Variants in ADAM9 observed in about 807,000 individuals in gnomAD.
ADAM9 encodes the protein ADAM metallopeptidase domain 9.
ADAM9 carries 54 observed loss-of-function variants against 108.1 expected under a neutral mutation model. That is an observed-to-expected ratio of 0.50 (90% CI 0.40 to 0.63). The LOEUF (loss-of-function observed/expected upper bound fraction) is 0.63. ADAM9 is among the 20% of genes least tolerant of loss of function. The probability of loss-of-function intolerance (pLI) is 0.00; values close to 1 mark genes in which losing one functional copy is unlikely to be tolerated. For missense variants in ADAM9, 830 were observed against 997.7 expected (o/e 0.83, Z 2.26); for synonymous variants, 316 against 336.0 (o/e 0.94, Z 0.65).
At chr8:39,069,365 G>C (rs1449671698) in intron 14 of ADAM9, among the ~76,000 whole-genome samples, 1 of 152,078 alleles carries the variant, frequency 6.6e-6, no homozygotes, top group Non-Finnish European at 1.5e-5. Context: ...AGTCAATTCT[G>C]GTGTTATAGG....
chr8:39,096,363 T>C (rs1839508079), intron 20 of ADAM9, among the ~76,000 whole-genome samples: 1 of 152,160 alleles, frequency 6.6e-6, no homozygotes, highest in African/African-American at 2.4e-5. Context: ...TCTTTGCAAT[T>C]ACATAAAATA....
At chr8:39,045,844 C>G (rs536886701) in intron 12 of ADAM9, among the ~76,000 whole-genome samples, 11 of 151,470 alleles carry the variant, frequency 7.3e-5, no homozygotes, top group Admixed American at 2.6e-4. Flanking sequence ...AATGTATAAG[C>G]ATTCCCTTTT....
chr8:39,036,730 G>T (rs924425720), intron 11 of ADAM9, among the ~76,000 whole-genome samples: 1 of 152,138 alleles, frequency 6.6e-6, no homozygotes, highest in South Asian at 2.1e-4. Context: ...TTTCACTGTA[G>T]CCTCTAAAGC....
At position 39,055,584 on chromosome 8, in the gene ADAM9, C is replaced by T. The variant is rs1003280683; in HGVS notation, c.1403C>T (p.Pro468Leu). ...GDCCKDCRFL[P>L]GGTLCRGKTS... ...TGAATTCTATTTCACTAGTTCCTTC[C>T]AGGAGGTACTTTATGCCGAGGAAAA... The change falls in exon 14 of 22, where the codon CCA becomes CTA. Residue 468 changes from proline (P) to leucine (L), a missense_variant. Transcript: ENST00000487273. 4 of 1,613,288 alleles carry T rather than the reference C, an allele frequency of 2.5e-6. No individual in the cohort carries two copies. The highest frequency in any genetic ancestry group is 3.4e-6 in the Non-Finnish European group (4 of 1,179,534).
At chr8:39,038,634 T>G (rs995416072) in intron 11 of ADAM9, among the ~76,000 whole-genome samples, 2 of 152,240 alleles carry the variant, frequency 1.3e-5, no homozygotes, top group African/African-American at 4.8e-5. Flanking sequence ...TTTTGTCTGC[T>G]ATGTTCACAG....
chr8:39,000,074 G>C (rs557555103), intron 1 of ADAM9, among the ~76,000 whole-genome samples: 1 of 152,152 alleles, frequency 6.6e-6, no homozygotes, highest in South Asian at 2.1e-4. Flanking sequence ...GCCCAGGCTG[G>C]AGTGCAGTGG....
chr8:39,008,193 G>A (rs1836227346), intron 2 of ADAM9, among the ~76,000 whole-genome samples: 1 of 151,232 alleles, frequency 6.6e-6, no homozygotes, highest in Admixed American at 6.6e-5. Flanking sequence ...TTTTAAAATG[G>A]AGTCTTGCTC....
chr8:39,024,970 G>C (rs1363194976), intron 9 of ADAM9, among the ~76,000 whole-genome samples: 3 of 152,132 alleles, frequency 2.0e-5, no homozygotes, highest in Non-Finnish European at 4.4e-5. Flanking sequence ...CCTGAAGGAG[G>C]TGAGGGAATG....
Position 39,044,946 on chromosome 8 carries a change from GTA to G in ADAM9, c.1302+2831_1302+2832del, listed in dbSNP as rs1224325397. Among the ~76,000 whole-genome samples the G allele has an allele frequency of 4.0e-5, 6 of 150,210 alleles. 1 individual carries two copies. The highest frequency in any genetic ancestry group is 3.4e-3 in the Middle Eastern group (1 of 290). On this transcript the variant is annotated intron_variant, in intron 12 of 21. Transcript: ENST00000487273. ...TATATGTGTGTGCACACATACCTAT[GTA>G]TGTGTATATGTGTGTGCACACATAC...
At chr8:39,018,781 T>G in intron 6 of ADAM9, 72 bp from the exon 7 acceptor site, 1 of 1,262,098 alleles carries the variant, frequency 7.9e-7, no homozygotes, top group Non-Finnish European at 1.2e-6. Flanking sequence ...ATGAAATAAG[T>G]GATGAGAGAT....
intron 11 of ADAM9, among the ~76,000 whole-genome samples, chr8:39,037,164 C>T (rs1270436903): frequency 2.7e-5 from 4 of 145,506 alleles, no homozygotes; most frequent in Admixed American, 7.0e-5. Flanking sequence ...TCACGCCATT[C>T]TCCTGCCTCA....
At chr8:39,086,930 G>A (rs965719183) in intron 18 of ADAM9, among the ~76,000 whole-genome samples, 2 of 152,184 alleles carry the variant, frequency 1.3e-5, no homozygotes, top group Non-Finnish European at 2.9e-5. Flanking sequence ...ATAGGAGCAA[G>A]TGCTCTTCCT....
At chr8:39,081,201 G>A (rs776715195) in intron 16 of ADAM9, among the ~76,000 whole-genome samples, 6 of 151,926 alleles carry the variant, frequency 3.9e-5, no homozygotes, top group African/African-American at 9.7e-5. Flanking sequence ...CACCCACCTC[G>A]GCCTCCCAAA....
chr8:39,084,666 A>C (rs1839130937), intron 18 of ADAM9, among the ~76,000 whole-genome samples: 2 of 151,772 alleles, frequency 1.3e-5, no homozygotes, highest in Admixed American at 6.6e-5. Flanking sequence ...AAGAATGCGT[A>C]TTCTACTATT....
At chr8:39,067,208 T>C (rs1441236208) in intron 14 of ADAM9, among the ~76,000 whole-genome samples, 3 of 152,230 alleles carry the variant, frequency 2.0e-5, no homozygotes, top group Non-Finnish European at 4.4e-5. Context: ...TTTGTTCTTT[T>C]GGCTTAGGAT....
intron 12 of ADAM9, among the ~76,000 whole-genome samples, chr8:39,046,623 G>A (rs1162626339): frequency 6.6e-6 from 1 of 152,100 alleles, no homozygotes; most frequent in Middle Eastern, 3.2e-3. Flanking sequence ...TTATGTTGAA[G>A]TTATTTTCCT....
At chr8:39,084,105 G>A (rs1260570010) in intron 18 of ADAM9, among the ~76,000 whole-genome samples, 1 of 152,008 alleles carries the variant, frequency 6.6e-6, no homozygotes, top group Admixed American at 6.6e-5. Flanking sequence ...ATCTTTTCTT[G>A]TACTTATTTG....
At chr8:39,049,294 G>A (rs1489791997) in intron 12 of ADAM9, among the ~76,000 whole-genome samples, 1 of 151,762 alleles carries the variant, frequency 6.6e-6, no homozygotes, top group East Asian at 1.9e-4. Context: ...ATATCTTGTA[G>A]TAATAACAGT....
intron 11 of ADAM9, among the ~76,000 whole-genome samples, chr8:39,027,614 A>G (rs1272957614): frequency 1.3e-5 from 2 of 152,120 alleles, no homozygotes; most frequent in East Asian, 1.9e-4. Context: ...AGAAGATCCC[A>G]TGGTGGTTGG....
Sources: allele counts gnomAD v4.1 joint callset (sites outside exome capture counted in the v4.1 genomes callset), GRCh38; gene constraint gnomAD v4.1.1; transcripts MANE v1.5; gene names NCBI Gene and HGNC (gene_info 2026-07-23, HGNC 2026-07-21).